CLCN1: variants seen among roughly 807,000 people sequenced by gnomAD.
The protein encoded by CLCN1 is chloride channel protein 1.
In CLCN1, 100 loss-of-function variants were observed where a neutral mutation model predicts 114.5. The observed-to-expected ratio is 0.87, with a 90% CI of 0.74 to 1.03. The LOEUF is 1.03. CLCN1 is among the 50% of genes least tolerant of loss of function. The pLI, the probability that CLCN1 is intolerant of heterozygous loss-of-function variation, is 0.00. For missense variants in CLCN1, 1,188 were observed against 1,250.0 expected, an observed-to-expected ratio of 0.95 and a Z score of 0.75; for synonymous variants, 485 against 487.1, an observed-to-expected ratio of 1.00 and a Z score of 0.06.
chr7:143,346,683 A>G (rs1273108897), intron 19 of CLCN1, 25 bp downstream of exon 19: 6 of 1,590,042 alleles, frequency 3.8e-6, no homozygotes, highest in Non-Finnish European at 5.2e-6. Flanking sequence ...GTTTGGGGAT[A>G]CAGGGGAAAG....
chr7:143,322,238 G>A (rs2116839304), intron 5 of CLCN1, among the ~76,000 whole-genome samples: 1 of 152,310 alleles, frequency 6.6e-6, no homozygotes, highest in African/African-American at 2.4e-5. Context: ...GGACCCTGGA[G>A]GACAAAATCT....
chr7:143,350,824 C>T lies in CLCN1; in HGVS notation c.2595+170C>T, dbSNP rs1260985594. On this transcript the variant is annotated intron_variant, in intron 22 of 22. Transcript: ENST00000343257. The surrounding 1 kb of genome is among the most constrained non-coding windows in gnomAD (Gnocchi z 5.1). ...CAGAGTTTCACTCTTGTCGCCCAGG[C>T]TGGAGTGCAGTGGCGTGATCTCAGC... Among the ~76,000 whole-genome samples, 1 of 151,122 alleles carries T rather than the reference C, an allele frequency of 6.6e-6. No homozygotes were observed.
intron 17 of CLCN1, 60 bp downstream of exon 17, chr7:143,345,822 G>T (rs565624596): frequency 1.5e-4 from 231 of 1,568,666 alleles, no homozygotes; most frequent in Admixed American, 8.8e-4. Flanking sequence ...GAAAAGCGTC[G>T]TCTGGGCTGG....
chr7:143,320,563 C>CTCTCTCTA, intron 2 of CLCN1, 101 bp from the exon 3 acceptor site: 1 of 734,944 alleles, frequency 1.4e-6, no homozygotes. Context: ...TTCTCTCTCT[C>CTCTCTCTA]TCTCTCTCTC....
Position 143,342,465 on chromosome 7 carries a change from G to T in CLCN1, c.1890G>T (p.Gln630His), listed in dbSNP as rs1302946040. 6.2e-7 allele frequency: 1 copy of T among 1,614,102 alleles called. No homozygotes were observed. The highest frequency in any genetic ancestry group is 8.5e-7 in the Non-Finnish European group (1 of 1,180,036). The change falls in exon 16 of 23, where the codon CAG (glutamine) becomes CAT (histidine). Residue 630 changes from glutamine to histidine, a missense_variant. Physicochemically the swap from Gln to His is conservative, Grantham distance 24 (BLOSUM62 0). Transcript: ENST00000343257. Reference sequence around the variant, plus strand: ...ATGGGGAGTTGCGAACCCTGCTCCAGACCACCACAGTCAAGACTTTACCAC... The same window carrying T: ...ATGGGGAGTTGCGAACCCTGCTCCATACCACCACAGTCAAGACTTTACCAC... ...YTYGELRTLL[Q>H]TTTVKTLPLV...
rs910263325 is a variant in CLCN1 at position 143,339,279 on chromosome 7, T to C, written c.1428T>C (p.Thr476=). 1.2e-6 allele frequency: 2 copies of C among 1,613,094 alleles called. No homozygotes were observed. Among genetic ancestry groups the C allele is most frequent in the Non-Finnish European group, 8.5e-7 (1 of 1,179,000 alleles). ...MKFWMSIVAT[T]MPIPCGGFMP... is the part of the protein sequence containing the mutation. ...TCTGGATGTCCATCGTGGCCACCAC[T>C]ATGCCCATACCCTGCGGAGGCTTCA... is the stretch of plus-strand genomic sequence containing the variant. Residue 476 remains threonine (T), a synonymous_variant, in exon 13 of 23, where the codon ACT becomes ACC. Transcript: ENST00000343257. This position sits in a 1 kb window ranked among gnomAD's most constrained non-coding sequence, Gnocchi z 4.1.
intron 12 of CLCN1, among the ~76,000 whole-genome samples, chr7:143,337,468 G>A (rs1279930542): frequency 6.6e-6 from 1 of 151,282 alleles, no homozygotes; most frequent in Admixed American, 6.6e-5. Flanking sequence ...CTTTCTTAGA[G>A]TCTTTGTCAC....
intron 7 of CLCN1, among the ~76,000 whole-genome samples, chr7:143,325,454 G>A (rs1013498119): frequency 1.3e-5 from 2 of 152,200 alleles, no homozygotes; most frequent in Admixed American, 6.5e-5. Context: ...CTGTGGCAAA[G>A]CACACAGACT....
chr7:143,320,940 G>A lies in CLCN1; in HGVS notation c.433+145G>A, dbSNP rs1331585856. 4 of 998,228 alleles carry A rather than the reference G, an allele frequency of 4.0e-6. No homozygotes were observed. In the African/African-American group the frequency reaches 6.4e-5, roughly 16 times the overall value. The allele number at this position is 998,228 out of a possible 1,614,324, so 61.8% of individuals were successfully genotyped here. Reference sequence around the variant, plus strand: ...AGAGAGGGATCAGGTGGGACTCCAGGCCCAGAAAAGACCAGACCCAGGCCT... The same window carrying A: ...AGAGAGGGATCAGGTGGGACTCCAGACCCAGAAAAGACCAGACCCAGGCCT... On this transcript the variant is annotated intron_variant, in intron 3 of 22. Transcript: ENST00000343257.
At position 143,324,945 on chromosome 7, in the gene CLCN1, T is replaced by C. The variant is rs1326686183; in HGVS notation, c.853+453T>C. 6.6e-6 allele frequency among the ~76,000 whole-genome samples: 1 copy of C among 152,252 alleles called. No individual in the cohort carries two copies. The highest frequency in any genetic ancestry group is 6.5e-5 in the Admixed American group (1 of 15,286). On this transcript the variant is annotated intron_variant, in intron 7 of 22. Coordinates refer to ENST00000343257, the MANE Select transcript of CLCN1 (RefSeq NM_000083.3). This position sits in a 1 kb window ranked among gnomAD's most constrained non-coding sequence, Gnocchi z 4.6. ...TGTGCTTTATTAATTGCATGGGAATTCAGGTAGACCTTATTTAGATTAATG... is the reference window on the plus strand; with the variant it reads ...TGTGCTTTATTAATTGCATGGGAATCCAGGTAGACCTTATTTAGATTAATG...
intron 7 of CLCN1, among the ~76,000 whole-genome samples, chr7:143,329,663 T>C (rs1802670339): frequency 1.3e-5 from 2 of 152,152 alleles, no homozygotes; most frequent in South Asian, 4.1e-4. Flanking sequence ...GTTCACCCTG[T>C]TCACATGGAG....
intron 12 of CLCN1, 67 bp downstream of exon 12, chr7:143,332,940 G>T: frequency 6.5e-7 from 1 of 1,543,934 alleles, no homozygotes. Context: ...CCCAGGGTTT[G>T]CATAGGGTAG....
chr7:143,342,608 T>C, intron 16 of CLCN1, 103 bp downstream of exon 16: 2 of 1,145,620 alleles, frequency 1.7e-6, no homozygotes, highest in South Asian at 2.5e-5. Flanking sequence ...TTAGGGGCCA[T>C]CCAATGTGCT....
chr7:143,321,744 C>G lies in CLCN1; in HGVS notation c.592C>G (p.Leu198Val), dbSNP rs80356685. The G allele has an allele frequency of 2.4e-5, 39 of 1,614,146 alleles. No individual in the cohort carries two copies. Among genetic ancestry groups the G allele is most frequent in the Non-Finnish European group, 3.2e-5 (38 of 1,180,058 alleles). The change falls in exon 5 of 23, where the codon CTT becomes GTT. Residue 198 changes from leucine (L) to valine (V), a missense_variant. By Grantham distance (32) the Leu-to-Val change is conservative (BLOSUM62 1). Coordinates refer to ENST00000343257, the MANE Select transcript of CLCN1 (RefSeq NM_000083.3). The surrounding 1 kb of genome is among the most constrained non-coding windows in gnomAD (Gnocchi z 4.2). Reference protein sequence around the residue: ...GSGIPEMKTILRGVVLKEYLT... With the variant: ...GSGIPEMKTIVRGVVLKEYLT... ...TGGAATCCCCGAAATGAAGACAATACTTCGTGGGGTTGTCCTGAAGGAATA... is the reference window on the plus strand; with the variant it reads ...TGGAATCCCCGAAATGAAGACAATAGTTCGTGGGGTTGTCCTGAAGGAATA...
In CLCN1 at chr7:143,350,801, G is replaced by A. The variant is rs1344651319; in HGVS notation, c.2595+147G>A. Reference sequence around the variant, plus strand: ...CTTTCTTTTTTTTTTTTTTGAGACAGAGTTTCACTCTTGTCGCCCAGGCTG... The same window carrying A: ...CTTTCTTTTTTTTTTTTTTGAGACAAAGTTTCACTCTTGTCGCCCAGGCTG... On this transcript the variant is annotated intron_variant, in intron 22 of 22. Transcript: ENST00000343257. The surrounding 1 kb of genome is among the most constrained non-coding windows in gnomAD (Gnocchi z 5.1). The A allele has an allele frequency of 3.1e-6, 2 of 654,898 alleles. No homozygotes were observed. Among genetic ancestry groups the A allele is most frequent in the African/African-American group, 3.7e-5 (2 of 54,060 alleles). 40.6% of individuals were successfully genotyped at this position (654,898 alleles called of 1,614,324 possible). A position where few individuals can be genotyped will look rare whatever the true frequency, so the allele number is the denominator to read the frequency against.
chr7:143,320,524 A>G, intron 2 of CLCN1, 140 bp from the exon 3 acceptor site: 1 of 850,546 alleles, frequency 1.2e-6, no homozygotes, highest in Non-Finnish European at 1.8e-6. Flanking sequence ...TATAGCACCC[A>G]AAGTAAAGTA....
chr7:143,326,927 G>A (rs1486175873), intron 7 of CLCN1, among the ~76,000 whole-genome samples: 1 of 152,154 alleles, frequency 6.6e-6, no homozygotes. Context: ...AAAATGCTTG[G>A]TTAAAGAGAG....
At chr7:143,346,354 G>C in intron 18 of CLCN1, 103 bp downstream of exon 18, 1 of 810,156 alleles carries the variant, frequency 1.2e-6, no homozygotes, top group South Asian at 1.4e-5. Context: ...GGGGTGGGGT[G>C]GGGGGTGAGG....
At chr7:143,341,790 C>A in intron 14 of CLCN1, 139 bp from the exon 15 acceptor site, 1 of 721,590 alleles carries the variant, frequency 1.4e-6, no homozygotes, top group Non-Finnish European at 2.5e-6. Flanking sequence ...CTATTCCCTA[C>A]TCTTGACAAG....
Sources: allele counts gnomAD v4.1 joint callset (sites outside exome capture counted in the v4.1 genomes callset), GRCh38; gene constraint gnomAD v4.1.1; non-coding constraint Gnocchi (gnomAD v3.1); transcripts MANE v1.5; gene names NCBI Gene and HGNC (gene_info 2026-07-23, HGNC 2026-07-21).